CLYBL: variants seen among roughly 807,000 people sequenced by gnomAD.
The protein encoded by CLYBL is citramalyl-CoA lyase, mitochondrial.
Under a neutral mutation model 38.9 loss-of-function variants are expected in CLYBL, and 31 were observed. That is an observed-to-expected ratio of 0.80 (90% confidence interval 0.60 to 1.08). The LOEUF (loss-of-function observed/expected upper bound fraction) is 1.08. CLYBL is among the 50% of genes least tolerant of loss of function. The probability of loss-of-function intolerance (pLI) is 0.00; values close to 1 mark genes in which losing one functional copy is unlikely to be tolerated. For synonymous variants in CLYBL, 171 were observed against 158.6 expected (o/e 1.08, Z -0.59); for missense variants, 434 against 411.6 (o/e 1.05, Z -0.47).
chr13:99,678,989 A>G (rs2047693108), intron 1 of CLYBL, among the ~76,000 whole-genome samples: 1 of 152,148 alleles, frequency 6.6e-6, no homozygotes, highest in Non-Finnish European at 1.5e-5. Context: ...TTTCTAATAT[A>G]TTGCTCATTA....
chr13:99,761,018 T>C (rs2049155062), intron 1 of CLYBL, among the ~76,000 whole-genome samples: 1 of 152,204 alleles, frequency 6.6e-6, no homozygotes, highest in African/African-American at 2.4e-5. Context: ...TCATACCCAC[T>C]TTTCCTCTAC....
chr13:99,669,257 C>T (rs1207205236), intron 1 of CLYBL, among the ~76,000 whole-genome samples: 2 of 152,148 alleles, frequency 1.3e-5, no homozygotes, highest in African/African-American at 4.8e-5. Flanking sequence ...CCGCCTCAGC[C>T]TCCTAAAGTG....
chr13:99,894,319 G>A (rs140637672), downstream of CLYBL: 1,516 of 152,380 alleles, frequency 9.9e-3, 11 homozygotes, highest in South Asian at 0.024. Flanking sequence ...AGAGCTGCCC[G>A]ACTCCTGAGC....
intron 7 of CLYBL, among the ~76,000 whole-genome samples, chr13:99,871,921 T>C (rs1360825328): frequency 6.6e-6 from 1 of 150,850 alleles, no homozygotes; most frequent in Non-Finnish European, 1.5e-5. Flanking sequence ...ATACCTATAA[T>C]GCAAAATTAC....
At chr13:99,643,633 G>A (rs1254915677) in intron 1 of CLYBL, among the ~76,000 whole-genome samples, 2 of 152,216 alleles carry the variant, frequency 1.3e-5, no homozygotes, top group African/African-American at 2.4e-5. Flanking sequence ...ATTGTTTGGG[G>A]CAGTGGTGTT....
At chr13:99,783,602 G>A (rs1016656117) in intron 2 of CLYBL, among the ~76,000 whole-genome samples, 28 of 151,948 alleles carry the variant, frequency 1.8e-4, no homozygotes, top group South Asian at 1.2e-3. Context: ...GACTACAGGC[G>A]CCTGCCACCA....
At chr13:99,666,044 G>A (rs576890840) in intron 1 of CLYBL, among the ~76,000 whole-genome samples, 4 of 152,282 alleles carry the variant, frequency 2.6e-5, no homozygotes, top group African/African-American at 9.6e-5. Flanking sequence ...ACTTGGAGGA[G>A]CTCAGGGAGA....
At chr13:99,791,465 A>G (rs1474521299) in intron 2 of CLYBL, among the ~76,000 whole-genome samples, 1 of 152,218 alleles carries the variant, frequency 6.6e-6, no homozygotes, top group Non-Finnish European at 1.5e-5. Context: ...TATCTCTTTA[A>G]CATACAGGAG....
chr13:99,874,916 C>T (rs540366980), intron 7 of CLYBL, among the ~76,000 whole-genome samples: 6 of 152,224 alleles, frequency 3.9e-5, no homozygotes, highest in East Asian at 3.9e-4. Flanking sequence ...CAATATATTA[C>T]GTGTGTCAAA....
chr13:99,696,320 T>C (rs1194190267), intron 1 of CLYBL, among the ~76,000 whole-genome samples: 1 of 151,730 alleles, frequency 6.6e-6, no homozygotes, highest in African/African-American at 2.4e-5. Flanking sequence ...GCCTCAACCT[T>C]CTAGGCCCAA....
intron 2 of CLYBL, among the ~76,000 whole-genome samples, chr13:99,793,331 T>G (rs1310115909): frequency 2.6e-5 from 4 of 152,144 alleles, no homozygotes; most frequent in Non-Finnish European, 4.4e-5. Flanking sequence ...CCCAGGTGCC[T>G]TGCTTTTATT....
intron 5 of CLYBL, 76 bp from the exon 6 acceptor site, chr13:99,866,164 T>C: frequency 1.4e-6 from 2 of 1,390,294 alleles, no homozygotes; most frequent in Middle Eastern, 2.5e-4. Flanking sequence ...CTGTACAAAC[T>C]GAGGTTTTAT....
At chr13:99,641,190 A>G (rs1478438531) in intron 1 of CLYBL, among the ~76,000 whole-genome samples, 1 of 152,214 alleles carries the variant, frequency 6.6e-6, no homozygotes, top group Non-Finnish European at 1.5e-5. Context: ...ATACAACCTC[A>G]ATGATATAAG....
chr13:99,675,867 A>G (rs1343028450), intron 1 of CLYBL, among the ~76,000 whole-genome samples: 1 of 152,122 alleles, frequency 6.6e-6, no homozygotes, highest in East Asian at 1.9e-4. Flanking sequence ...TTGTATGGGT[A>G]TATTTCTTCT....
intron 2 of CLYBL, among the ~76,000 whole-genome samples, chr13:99,811,212 G>A (rs1415984927): frequency 1.3e-5 from 2 of 152,224 alleles, no homozygotes; most frequent in East Asian, 3.9e-4. Context: ...AAGTCCCACT[G>A]TGGTACAGAA....
At chr13:99,812,751 G>A (rs2050367251) in intron 2 of CLYBL, among the ~76,000 whole-genome samples, 1 of 152,118 alleles carries the variant, frequency 6.6e-6, no homozygotes, top group African/African-American at 2.4e-5. Context: ...GGTTAACTGG[G>A]GTGACTCATG....
At position 99,648,155 on chromosome 13, in the gene CLYBL, A is replaced by G. The variant is rs78850493; in HGVS notation, c.62+41398A>G. Among the ~76,000 whole-genome samples, 628 of 152,194 alleles carry G rather than the reference A, an allele frequency of 4.1e-3. 18 individuals carry two copies. Among genetic ancestry groups the G allele is most frequent in the Admixed American group, 0.029 (436 of 15,276 alleles). On this transcript the variant is annotated intron_variant, in intron 1 of 8. Coordinates refer to ENST00000339105, the MANE Select transcript of CLYBL (RefSeq NM_206808.5). ...AATAAAGAAAGTATGTTCGGGGGGG[A>G]AAAATCCTTTTTAAAAATAATTAGG...
chr13:99,634,358 CT>C (rs1382263893), intron 1 of CLYBL, among the ~76,000 whole-genome samples: 2 of 152,148 alleles, frequency 1.3e-5, no homozygotes, highest in East Asian at 1.9e-4. Flanking sequence ...AAAGGAATTT[CT>C]TTAGGCTTAA....
chr13:99,752,657 C>T (rs1399135224), intron 1 of CLYBL, among the ~76,000 whole-genome samples: 3 of 152,104 alleles, frequency 2.0e-5, no homozygotes, highest in Admixed American at 6.5e-5. Context: ...TGTCTTCCCT[C>T]CTGCCATCCT....
Sources: allele counts gnomAD v4.1 joint callset (sites outside exome capture counted in the v4.1 genomes callset), GRCh38; gene constraint gnomAD v4.1.1; transcripts MANE v1.5; gene names NCBI Gene and HGNC (gene_info 2026-07-23, HGNC 2026-07-21).